PRRX2: variants seen among roughly 807,000 people sequenced by gnomAD.
PRRX2 encodes paired related homeobox 2.
A neutral mutation model predicts 18.0 loss-of-function variants in PRRX2; 11 were observed. The ratio of observed to expected loss-of-function variants is 0.61; its 90% CI spans 0.39 to 1.01. The LOEUF (loss-of-function observed/expected upper bound fraction) is 1.01. Ranked by LOEUF, PRRX2 falls within the 50% of genes least tolerant of loss-of-function variation. The pLI is 0.01. For missense variants in PRRX2, 387 were observed against 351.0 expected (o/e 1.10, Z -0.82); for synonymous variants, 177 against 154.8 (o/e 1.14, Z -1.06).
chr9:129,711,347 T>C (rs571281391), intron 1 of PRRX2, among the ~76,000 whole-genome samples: 1 of 151,772 alleles, frequency 6.6e-6, no homozygotes, highest in South Asian at 2.1e-4. Context: ...TGGGTTGTTA[T>C]GAGGGTTAAA....
intron 1 of PRRX2, chr9:129,713,357 G>T: frequency 6.6e-6 from 1 of 152,356 alleles, no homozygotes. Flanking sequence ...ACAGCAGCTT[G>T]GTGTGTCCTT....
Position 129,681,495 on chromosome 9 carries a change from G to T in PRRX2, c.259+15369G>T, listed in dbSNP as rs554051781. On this transcript the variant is annotated intron_variant, in intron 1 of 3. Transcript: ENST00000372469. The stretch of plus-strand genomic sequence containing the variant: ...GGATCATGCCACTGCACTCCAGCCT[G>T]GGCGACAGAGCAAGACTCCATTTCA... Among the ~76,000 whole-genome samples, 7 of 152,240 alleles carry T rather than the reference G, an allele frequency of 4.6e-5. No homozygotes were observed. In the South Asian group the frequency reaches 1.5e-3, roughly 32 times the overall value.
chr9:129,665,998 T>C lies in PRRX2; in HGVS notation c.131T>C (p.Leu44Pro). 1 of 1,103,880 alleles carries C rather than the reference T, an allele frequency of 9.1e-7. No homozygotes were observed. Among genetic ancestry groups the C allele is most frequent in the Non-Finnish European group, 1.1e-6 (1 of 906,266 alleles). 68.4% of individuals were successfully genotyped at this position (1,103,880 alleles called of 1,614,324 possible). ...AAGAACTTCTCGGTGAGCCACCTCC[T>C]GGACCTGGAAGAGGTGGCGGCGGCC... ...ARKNFSVSHL[L>P]DLEEVAAAGR... Residue 44 changes from leucine (L) to proline (P), a missense_variant, in exon 1 of 4, where the codon CTG becomes CCG. Transcript: ENST00000372469. The surrounding 1 kb of genome is among the most constrained non-coding windows in gnomAD (Gnocchi z 5.3).
intron 1 of PRRX2, among the ~76,000 whole-genome samples, chr9:129,706,711 A>G (rs1340651569): frequency 6.6e-6 from 1 of 152,182 alleles, no homozygotes; most frequent in Non-Finnish European, 1.5e-5. Context: ...CTGAGTGCAG[A>G]GGAAGACCAT....
At chr9:129,702,459 T>G (rs1832510187) in intron 1 of PRRX2, among the ~76,000 whole-genome samples, 1 of 152,252 alleles carries the variant, frequency 6.6e-6, no homozygotes, top group Admixed American at 6.5e-5. Context: ...CTATCTGTGC[T>G]GTCCAATGTG....
rs1418864725 is a variant in PRRX2 at position 129,671,003 on chromosome 9, C to T, written c.259+4877C>T. Among the ~76,000 whole-genome samples the T allele has an allele frequency of 6.6e-6, 1 of 152,158 alleles. No homozygotes were observed. Among genetic ancestry groups the T allele is most frequent in the African/African-American group, 2.4e-5 (1 of 41,404 alleles). ...TCTCCGTGTGTGACCTTGGGGGTGT[C>T]ATGTCACCTCTCTGTGCCTCGTTCA... On this transcript the variant is annotated intron_variant, in intron 1 of 3. Transcript: ENST00000372469. The surrounding 1 kb of genome is among the most constrained non-coding windows in gnomAD (Gnocchi z 4.0).
intron 1 of PRRX2, among the ~76,000 whole-genome samples, chr9:129,701,251 T>G (rs1222714212): frequency 1.3e-5 from 2 of 152,238 alleles, no homozygotes; most frequent in African/African-American, 2.4e-5. Flanking sequence ...TCGTTCACTG[T>G]GTGTCGCTCA....
chr9:129,668,280 C>A lies in PRRX2; in HGVS notation c.259+2154C>A, dbSNP rs146712990. Reference sequence around the variant, plus strand: ...GGTGGGGGAGATGGGATCCTTCTTTCCCCATCATCGACCCTTTGAAAGTGG... The same window carrying A: ...GGTGGGGGAGATGGGATCCTTCTTTACCCATCATCGACCCTTTGAAAGTGG... On this transcript the variant is annotated intron_variant, in intron 1 of 3. Transcript: ENST00000372469. Among the ~76,000 whole-genome samples the A allele has an allele frequency of 2.6e-3, 393 of 152,314 alleles. 5 individuals carry two copies. Among genetic ancestry groups the A allele is most frequent in the Admixed American group, 0.017 (261 of 15,302 alleles).
At chr9:129,718,627 C>G (rs1441516133) in intron 1 of PRRX2, 1 of 152,290 alleles carries the variant, frequency 6.6e-6, no homozygotes, top group Non-Finnish European at 1.5e-5. Context: ...GGACCTTGAA[C>G]TTGGGCCCGA....
At chr9:129,706,056 T>G (rs1277516520) in intron 1 of PRRX2, among the ~76,000 whole-genome samples, 1 of 152,162 alleles carries the variant, frequency 6.6e-6, no homozygotes, top group East Asian at 1.9e-4. Context: ...CTCTCCAATC[T>G]CAATGCTTCT....
chr9:129,710,676 T>A (rs1487628873), intron 1 of PRRX2, among the ~76,000 whole-genome samples: 1 of 152,164 alleles, frequency 6.6e-6, no homozygotes, highest in Non-Finnish European at 1.5e-5. Context: ...GAGATTGCAG[T>A]GAGCAGAGAT....
In PRRX2 at chr9:129,715,590, CAAAAAAT is replaced by C. The variant is rs535529999; in HGVS notation, c.260-3634_260-3628del. ...TGGGCAACAGAGTGAGACCCTGTCT[CAAAAAAT>C]AAAAAAGATATTTAGCAGCACTCCT... is the stretch of plus-strand genomic sequence containing the variant. On this transcript the variant is annotated intron_variant, in intron 1 of 3. Transcript: ENST00000372469. The surrounding 1 kb of genome is among the most constrained non-coding windows in gnomAD (Gnocchi z 4.0). 1.5e-3 allele frequency among the ~76,000 whole-genome samples: 234 copies of C among 151,962 alleles called. 2 individuals carry two copies. Among genetic ancestry groups the C allele is most frequent in the African/African-American group, 5.5e-3 (228 of 41,444 alleles).
chr9:129,668,778 C>CAAAAAAAAAAAAA (rs562855941), intron 1 of PRRX2, among the ~76,000 whole-genome samples: 1 of 58,544 alleles, frequency 1.7e-5, no homozygotes, highest in Admixed American at 2.0e-4. Flanking sequence ...GACTCCATCT[C>CAAAAAAAAAAAAA]AAAAAAAAAA....
chr9:129,682,724 G>C (rs960961128), intron 1 of PRRX2, among the ~76,000 whole-genome samples: 1 of 152,184 alleles, frequency 6.6e-6, no homozygotes, highest in Non-Finnish European at 1.5e-5. Flanking sequence ...GCCTGGGCCT[G>C]TGGCGGGGTC....
At chr9:129,698,980 C>T (rs944825840) in intron 1 of PRRX2, among the ~76,000 whole-genome samples, 17 of 152,228 alleles carry the variant, frequency 1.1e-4, no homozygotes, top group African/African-American at 3.1e-4. Flanking sequence ...CTGACTGTCC[C>T]TTCCCTCCCA....
chr9:129,698,028 T>C (rs924618290), intron 1 of PRRX2, among the ~76,000 whole-genome samples: 2 of 151,848 alleles, frequency 1.3e-5, no homozygotes, highest in East Asian at 2.0e-4. Context: ...AAGGGCTTCA[T>C]TGAGGCCGGT....
chr9:129,698,259 G>GA, intron 1 of PRRX2, among the ~76,000 whole-genome samples: 1 of 30,512 alleles, frequency 3.3e-5, no homozygotes, highest in Non-Finnish European at 6.5e-5. Flanking sequence ...GGATGGGGCG[G>GA]GGGGGGGGGG....
intron 1 of PRRX2, among the ~76,000 whole-genome samples, chr9:129,697,651 C>T (rs867780793): frequency 1.1e-3 from 164 of 152,012 alleles, no homozygotes; most frequent in African/African-American, 3.8e-3. Context: ...GGAGGGGAGA[C>T]CCCCGCCCAG....
intron 1 of PRRX2, among the ~76,000 whole-genome samples, chr9:129,714,123 T>A (rs1832672555): frequency 6.7e-6 from 1 of 149,836 alleles, no homozygotes; most frequent in African/African-American, 2.5e-5. Context: ...GCCAACATGG[T>A]GAAACCTCAT....
Sources: allele counts gnomAD v4.1 joint callset (sites outside exome capture counted in the v4.1 genomes callset), GRCh38; gene constraint gnomAD v4.1.1; non-coding constraint Gnocchi (gnomAD v3.1); transcripts MANE v1.5; gene names NCBI Gene and HGNC (gene_info 2026-07-23, HGNC 2026-07-21).